MED13: variants seen among roughly 807,000 people sequenced by gnomAD.
The protein encoded by MED13 is mediator of RNA polymerase II transcription subunit 13.
A neutral mutation model predicts 225.2 loss-of-function variants in MED13; 23 were observed. The observed-to-expected ratio is 0.10, with a 90% CI of 0.07 to 0.14. MED13 has a LOEUF of 0.14. MED13 is among the 10% of genes least tolerant of loss of function. The pLI, the probability that MED13 is intolerant of heterozygous loss-of-function variation, is 1.00. For synonymous variants in MED13, 942 were observed against 889.2 expected, an observed-to-expected ratio of 1.06 and a Z score of -1.06; for missense variants, 2,197 against 2,594.5, an observed-to-expected ratio of 0.85 and a Z score of 3.33.
chr17:61,980,605 T>C (rs2080195525), intron 16 of MED13, among the ~76,000 whole-genome samples: 1 of 152,174 alleles, frequency 6.6e-6, no homozygotes, highest in Non-Finnish European at 1.5e-5. Context: ...CCAAATAACC[T>C]AAAACCTATT....
intron 23 of MED13, among the ~76,000 whole-genome samples, chr17:61,957,475 G>A (rs372174967): frequency 3.3e-5 from 5 of 151,726 alleles, no homozygotes; most frequent in East Asian, 1.9e-4. Context: ...TCAGCTTCCC[G>A]AGTAGCTGGG....
At chr17:62,059,123 GT>G (rs1235525325) in intron 2 of MED13, among the ~76,000 whole-genome samples, 12 of 151,970 alleles carry the variant, frequency 7.9e-5, no homozygotes, top group Admixed American at 5.2e-4. Flanking sequence ...TGTAATAGGG[GT>G]ATCTTAAATG....
chr17:61,965,016 C>T lies in MED13; in HGVS notation c.4834G>A (p.Val1612Met), dbSNP rs1336382936. The T allele has an allele frequency of 6.2e-7, 1 of 1,613,866 alleles. No homozygotes were observed. Among genetic ancestry groups the T allele is most frequent in the Non-Finnish European group, 8.5e-7 (1 of 1,179,842 alleles). Residue 1612 changes from valine to methionine, a missense_variant, in exon 20 of 30, where the codon GTG becomes ATG. This residue lies in a region of MED13 where 457 missense variants were observed against 442.2 expected (regional missense o/e 1.03). Transcript: ENST00000397786. ...SSLPTQPHPDVSESTMDRDKV... is the reference protein window; with the variant it reads ...SSLPTQPHPDMSESTMDRDKV... The stretch of plus-strand genomic sequence containing the variant: ...TATTTTTAAAGGTACCTTTCAGACA[C>T]ATCAGGATGCGGCTGAGTGGGAAGT...
chr17:62,023,748 C>A (rs1007451988), intron 8 of MED13, among the ~76,000 whole-genome samples: 4 of 151,060 alleles, frequency 2.6e-5, no homozygotes, highest in African/African-American at 9.8e-5. Flanking sequence ...TGCCCCCCAA[C>A]CTCCTATATA....
At chr17:61,973,239 T>A (rs1342167292) in intron 16 of MED13, among the ~76,000 whole-genome samples, 1 of 152,176 alleles carries the variant, frequency 6.6e-6, no homozygotes, top group East Asian at 1.9e-4. Context: ...GAAAGAAGTC[T>A]GCCTCACATT....
chr17:62,036,749 G>C (rs1429321586), intron 3 of MED13: 1 of 152,142 alleles, frequency 6.6e-6, no homozygotes, highest in East Asian at 1.9e-4. Context: ...TATACATATG[G>C]AGTCAATACA....
At chr17:62,024,111 G>T (rs376388913) in intron 8 of MED13, among the ~76,000 whole-genome samples, 1 of 151,770 alleles carries the variant, frequency 6.6e-6, no homozygotes, top group Non-Finnish European at 1.5e-5. Flanking sequence ...TCTGCCTTCC[G>T]GGTTCAAGCG....
In MED13 at chr17:61,946,203, C is replaced by G; in HGVS notation, c.*265G>C. On this transcript the variant is annotated 3_prime_UTR_variant, in exon 30 of 30. Coordinates refer to ENST00000397786, the MANE Select transcript of MED13 (RefSeq NM_005121.3). ...TCATTACTTTTCACAAATACTGTGA[C>G]TGGAAAAAAAAAAGGTTAATTTTGC... 3.2e-6 allele frequency: 1 copy of G among 310,650 alleles called. No homozygotes were observed. Among genetic ancestry groups the G allele is most frequent in the Non-Finnish European group, 6.0e-6 (1 of 167,530 alleles). The allele number at this position is 310,650 out of a possible 1,614,324, so 19.2% of individuals were successfully genotyped here.
chr17:61,989,467 T>C lies in MED13; in HGVS notation c.2264-2339A>G, dbSNP rs572611293. ...AGCAATTCTGCCTCAGCCTCCCAAATAGATGGGATTACAGGTGCACGCCAC... is the reference window on the plus strand; with the variant it reads ...AGCAATTCTGCCTCAGCCTCCCAAACAGATGGGATTACAGGTGCACGCCAC... On this transcript the variant is annotated intron_variant, in intron 11 of 29. Coordinates refer to ENST00000397786, the MANE Select transcript of MED13 (RefSeq NM_005121.3). Among the ~76,000 whole-genome samples, 226 of 152,184 alleles carry C rather than the reference T, an allele frequency of 1.5e-3. 1 individual carries two copies. Among genetic ancestry groups the C allele is most frequent in the African/African-American group, 5.2e-3 (216 of 41,520 alleles).
At chr17:61,946,661 GT>G in intron 29 of MED13, 61 bp from the exon 30 acceptor site, 1 of 1,584,504 alleles carries the variant, frequency 6.3e-7, no homozygotes, top group Middle Eastern at 1.7e-4. Context: ...TTTGGAAGCA[GT>G]TTTCAATTAT....
In MED13 at chr17:61,968,290, C is replaced by T. The variant is rs759361439; in HGVS notation, c.3968-32G>A. ...AAGAAAGATGTATTTTAAGAAAACA[C>T]TTAAAAACAAGACATGTCTCCTTTT... is the stretch of plus-strand genomic sequence containing the variant. On this transcript the variant is annotated intron_variant, in intron 17 of 29. Transcript: ENST00000397786. 7 of 1,441,716 alleles carry T rather than the reference C, an allele frequency of 4.9e-6. No individual in the cohort carries two copies. The South Asian group carries it at 5.2e-5, about 11-fold the overall frequency. The allele number at this position is 1,441,716 out of a possible 1,614,324, so 89.3% of individuals were successfully genotyped here.
At position 61,982,425 on chromosome 17, in the gene MED13, T is replaced by C. The variant is rs757219960; in HGVS notation, c.3578A>G (p.Gln1193Arg). 1.9e-6 allele frequency: 3 copies of C among 1,614,100 alleles called. No individual in the cohort carries two copies. In the Admixed American group the frequency reaches 5.0e-5, roughly 27 times the overall value. Residue 1193 changes from glutamine to arginine, a missense_variant, in exon 16 of 30, where the codon CAA (glutamine) becomes CGA (arginine). Gln to Arg is a conservative substitution (Grantham distance 43, BLOSUM62 1). Coordinates refer to ENST00000397786, the MANE Select transcript of MED13 (RefSeq NM_005121.3). ...TGAAAATAAATTAGTGCACTGATCT[T>C]GTAGCAATAATATCAAATCATCAGA... Reference protein sequence around the residue: ...KLSDDLILLLQDQCTNLFSPF... With the variant: ...KLSDDLILLLRDQCTNLFSPF...
At chr17:62,000,819 G>A (rs752495192) in intron 9 of MED13, among the ~76,000 whole-genome samples, 6 of 152,184 alleles carry the variant, frequency 3.9e-5, no homozygotes, top group African/African-American at 4.8e-5. Flanking sequence ...ATGGAGTGCA[G>A]TGGCGTGGTC....
intron 2 of MED13, among the ~76,000 whole-genome samples, chr17:62,057,603 T>G (rs2143773654): frequency 6.6e-6 from 1 of 152,378 alleles, no homozygotes; most frequent in South Asian, 2.1e-4. Flanking sequence ...TTTATCTATC[T>G]GTCAATCCTA....
chr17:62,039,229 G>C (rs936903201), intron 3 of MED13, among the ~76,000 whole-genome samples: 1 of 152,114 alleles, frequency 6.6e-6, no homozygotes, highest in African/African-American at 2.4e-5. Flanking sequence ...TGATCTTATT[G>C]TAACATTCAG....
chr17:61,972,598 G>A, intron 17 of MED13, 129 bp downstream of exon 17: 1 of 826,336 alleles, frequency 1.2e-6, no homozygotes, highest in African/African-American at 1.7e-5. Flanking sequence ...AGCTAGGATT[G>A]GACCACAGTG....
At chr17:62,017,219 T>TAAAAAAAAA (rs555881211) in intron 8 of MED13, among the ~76,000 whole-genome samples, 6 of 84,244 alleles carry the variant, frequency 7.1e-5, no homozygotes, top group South Asian at 3.2e-4. Flanking sequence ...ACTAAAATGC[T>TAAAAAAAAA]AAAAAAAAAA....
chr17:62,016,684 C>T (rs1019682473), intron 8 of MED13, among the ~76,000 whole-genome samples: 2 of 152,096 alleles, frequency 1.3e-5, no homozygotes, highest in Non-Finnish European at 2.9e-5. Context: ...TACTGTATGT[C>T]AAAATAATAT....
rs766816836 is a variant in MED13 at position 61,962,880 on chromosome 17, G to C, written c.4936C>G (p.Pro1646Ala). 19 of 1,613,890 alleles carry C rather than the reference G, an allele frequency of 1.2e-5. No individual in the cohort carries two copies. In the Middle Eastern group the frequency reaches 8.2e-4, roughly 70 times the overall value. ...TCGTCTGTATTTTCGTATGTAAAAG[G>C]ATCAATTATATAAACAACAATTGCA... is the stretch of plus-strand genomic sequence containing the variant. The part of the protein sequence containing the change: ...PPAIVVYIID[P>A]FTYENTDEST... Residue 1646 changes from proline to alanine, a missense_variant, in exon 21 of 30, where the codon CCT (proline) becomes GCT (alanine). Pro to Ala is a conservative substitution (Grantham distance 27, BLOSUM62 -1). Coordinates refer to ENST00000397786, the MANE Select transcript of MED13 (RefSeq NM_005121.3).
Sources: gnomAD v4.1 joint callset for allele counts (sites outside exome capture counted in the v4.1 genomes callset) on GRCh38, gnomAD v4.1.1 for gene constraint, gnomAD v4.1.1 regional missense constraint, MANE v1.5 for transcripts, NCBI Gene and HGNC (gene_info 2026-07-23, HGNC 2026-07-21) for gene names.